Variants in ATXN2 observed in about 807,000 individuals in gnomAD.
ATXN2 encodes the protein ataxin-2.
ATXN2 carries 37 observed loss-of-function variants against 138.6 expected under a neutral mutation model. The observed-to-expected ratio is 0.27, with a 90% confidence interval of 0.21 to 0.35. The LOEUF is 0.35. Among genes scored for constraint, ATXN2 ranks in the 10% least tolerant of loss-of-function variants. ATXN2 has a pLI of 1.00. For synonymous variants in ATXN2, 549 were observed against 543.7 expected, an observed-to-expected ratio of 1.01 and a Z score of -0.13; for missense variants, 1,216 against 1,480.3, an observed-to-expected ratio of 0.82 and a Z score of 2.93.
chr12:111,599,330 G>C, upstream of ATXN2: 1 of 1,169,144 alleles, frequency 8.6e-7, no homozygotes, highest in Non-Finnish European at 1.1e-6. Context: ...GGAGGGAGGG[G>C]GGCCGGGGCC....
rs748729491 is a variant in ATXN2 at position 111,488,600 on chromosome 12, G to T, written c.2116C>A (p.Pro706Thr). The T allele has an allele frequency of 1.9e-6, 3 of 1,614,118 alleles. No homozygotes were observed. The Admixed American group carries it at 5.0e-5, about 27-fold the overall frequency. Residue 706 changes from proline to threonine, a missense_variant, in exon 15 of 25, where the codon CCT (proline) becomes ACT (threonine). Physicochemically the swap from Pro to Thr is conservative, Grantham distance 38. Coordinates refer to ENST00000673436, the MANE Select transcript of ATXN2 (RefSeq NM_001372574.1). ...TGCTCCGTGTTACTAAGTATTGAAGGGGAAATGCTGGGGCTATTCGGCTTG... is the reference window on the plus strand; with the variant it reads ...TGCTCCGTGTTACTAAGTATTGAAGTGGAAATGCTGGGGCTATTCGGCTTG... ...SSKPNSPSIS[P>T]SILSNTEHKR...
rs71083183 is a variant in ATXN2 at position 111,592,782 on chromosome 12, C to CAAA, written c.251+5999_251+6001dup. Among the ~76,000 whole-genome samples, 278 of 26,010 alleles carry CAAA rather than the reference C, an allele frequency of 0.011. 53 individuals carry two copies. The South Asian group carries it at 0.25, about 23-fold the overall frequency. The allele number at this position is 26,010 out of a possible 152,430, so 17.1% of individuals were successfully genotyped here. On this transcript the variant is annotated intron_variant, in intron 1 of 24. Transcript: ENST00000673436. ...TGGGCGACAGAGCAAGACTCCGTCT[C>CAAA]AAAAAAAAAAAAAAAAAAAAAAGAT...
intron 1 of ATXN2, among the ~76,000 whole-genome samples, chr12:111,572,437 C>T (rs1192314110): frequency 7.3e-5 from 11 of 151,628 alleles, no homozygotes; most frequent in Admixed American, 6.6e-4. Flanking sequence ...TGGCCCTTTA[C>T]GAAGTTTGAC....
chr12:111,490,729 G>A (rs911920330), intron 14 of ATXN2, among the ~76,000 whole-genome samples: 1 of 152,154 alleles, frequency 6.6e-6, no homozygotes, highest in Non-Finnish European at 1.5e-5. Context: ...AAGGAAGATA[G>A]TCTTGAACTG....
intron 1 of ATXN2, chr12:111,581,257 C>T (rs779893135): frequency 1.0e-5 from 4 of 393,242 alleles, no homozygotes; most frequent in Non-Finnish European, 9.4e-6. Context: ...TTTCTTCACC[C>T]GTAAATAGAA....
rs57940846 is a variant in ATXN2 at position 111,477,180 on chromosome 12, T to TAAA, written c.2525-6441_2525-6439dup. On this transcript the variant is annotated intron_variant, in intron 18 of 24. Transcript: ENST00000673436. ...CAACATGGTGAGACCCTGTCTCTACTAAAAAAAAAAAAAAAAAAAATACAA... is the reference window on the plus strand; with the variant it reads ...CAACATGGTGAGACCCTGTCTCTACTAAAAAAAAAAAAAAAAAAAAAAATACAA... Among the ~76,000 whole-genome samples the TAAA allele has an allele frequency of 1.1e-4, 13 of 121,678 alleles. 1 individual carries two copies. The highest frequency in any genetic ancestry group is 2.4e-4 in the African/African-American group (8 of 33,598). The allele number at this position is 121,678 out of a possible 152,430, so 79.8% of individuals were successfully genotyped here.
At chr12:111,597,760 C>T in intron 1 of ATXN2, 2 of 965,526 alleles carry the variant, frequency 2.1e-6, no homozygotes, top group Non-Finnish European at 2.9e-6. Flanking sequence ...TTTCTGCCTT[C>T]AGGAACCCGA....
At chr12:111,509,485 T>C (rs1023146547) in intron 14 of ATXN2, 64 bp downstream of exon 14, 2 of 924,698 alleles carry the variant, frequency 2.2e-6, no homozygotes, top group Non-Finnish European at 3.4e-6. Flanking sequence ...TTTTTATAAA[T>C]AGATAAATCT....
chr12:111,550,810 G>A (rs1217256153), intron 5 of ATXN2, among the ~76,000 whole-genome samples: 1 of 152,122 alleles, frequency 6.6e-6, no homozygotes, highest in Non-Finnish European at 1.5e-5. Context: ...CAAGCAAAGA[G>A]AAAGACTCCT....
At chr12:111,497,545 C>T (rs1349057363) in intron 14 of ATXN2, among the ~76,000 whole-genome samples, 1 of 151,918 alleles carries the variant, frequency 6.6e-6, no homozygotes, top group African/African-American at 2.4e-5. Context: ...GGATTCATCC[C>T]AGGGATGCAA....
intron 18 of ATXN2, 103 bp from the exon 19 acceptor site, chr12:111,470,845 C>T (rs1375217908): frequency 3.2e-6 from 4 of 1,243,320 alleles, no homozygotes; most frequent in South Asian, 1.4e-5. Flanking sequence ...CCTGAATCTG[C>T]GTCTCTGATG....
At chr12:111,547,949 TTGGGAGGCCCAGG>T in intron 5 of ATXN2, among the ~76,000 whole-genome samples, 1 of 151,586 alleles carries the variant, frequency 6.6e-6, no homozygotes, top group East Asian at 1.9e-4. Context: ...TCCCAGCAAT[TTGGGAGGCCCAGG>T]TGGGTGGATC....
intron 14 of ATXN2, among the ~76,000 whole-genome samples, chr12:111,498,277 A>T (rs1386528317): frequency 6.6e-6 from 1 of 152,232 alleles, no homozygotes; most frequent in African/African-American, 2.4e-5. Context: ...GAAGAAGTCA[A>T]ATTATCCTTG....
At chr12:111,480,432 C>A (rs1321881972) in intron 18 of ATXN2, among the ~76,000 whole-genome samples, 1 of 152,252 alleles carries the variant, frequency 6.6e-6, no homozygotes, top group Non-Finnish European at 1.5e-5. Flanking sequence ...CTCAGCCTCC[C>A]AGGGTGCCAG....
chr12:111,567,500 A>C (rs1449370736), intron 1 of ATXN2, among the ~76,000 whole-genome samples: 1 of 142,830 alleles, frequency 7.0e-6, no homozygotes, highest in African/African-American at 2.5e-5. Flanking sequence ...ACCCCATTTC[A>C]AAAAAAAAAA....
At chr12:111,553,299 T>G (rs972192402) in intron 3 of ATXN2, among the ~76,000 whole-genome samples, 17 of 152,130 alleles carry the variant, frequency 1.1e-4, no homozygotes, top group Non-Finnish European at 2.4e-4. Flanking sequence ...TTAACAAGAA[T>G]ACAGCTATCT....
chr12:111,492,921 G>A (rs1878138415), intron 14 of ATXN2, among the ~76,000 whole-genome samples: 1 of 152,018 alleles, frequency 6.6e-6, no homozygotes. Context: ...AAAGTTCAAC[G>A]AAATCCAAGA....
intron 20 of ATXN2, among the ~76,000 whole-genome samples, chr12:111,466,064 G>C (rs900416602): frequency 1.3e-5 from 2 of 151,920 alleles, no homozygotes; most frequent in Admixed American, 6.6e-5. Flanking sequence ...TACTCAGGAG[G>C]CTGAGGCAGG....
chr12:111,587,260 C>G (rs1026202764), intron 1 of ATXN2, among the ~76,000 whole-genome samples: 4 of 151,920 alleles, frequency 2.6e-5, no homozygotes, highest in African/African-American at 9.7e-5. Context: ...CAAAACCCGC[C>G]CTTTATAAAA....
Sources: allele counts gnomAD v4.1 joint callset (sites outside exome capture counted in the v4.1 genomes callset), GRCh38; gene constraint gnomAD v4.1.1; transcripts MANE v1.5; gene names NCBI Gene and HGNC (gene_info 2026-07-23, HGNC 2026-07-21).